The following LSAMP variants were observed in gnomAD, a reference collection of about 807,000 sequenced individuals.
LSAMP encodes the protein limbic system associated membrane protein.
In LSAMP, 7 loss-of-function variants were observed where a neutral mutation model predicts 38.6. The observed-to-expected ratio is 0.18, with a 90% CI of 0.10 to 0.34. LSAMP has a LOEUF of 0.34. Ranked by LOEUF, LSAMP falls within the 10% of genes least tolerant of loss-of-function variation. LSAMP has a pLI of 1.00. For synonymous variants in LSAMP, 154 were observed against 166.8 expected (o/e 0.92, Z 0.59); for missense variants, 313 against 420.0 (o/e 0.75, Z 2.23).
intron 6 of LSAMP, among the ~76,000 whole-genome samples, chr3:115,829,840 A>T (rs549466812): frequency 6.6e-6 from 1 of 152,220 alleles, no homozygotes; most frequent in Non-Finnish European, 1.5e-5. Flanking sequence ...AATCCATAAT[A>T]CATCAAAATA....
In LSAMP at chr3:116,339,467, GT is replaced by G. The variant is rs758061877; in HGVS notation, c.155+105409del. 1.9e-3 allele frequency among the ~76,000 whole-genome samples: 285 copies of G among 146,376 alleles called. 3 individuals are homozygous for G. The highest frequency in any genetic ancestry group is 0.012 in the Admixed American group (182 of 14,602). ...AATGACCGTCACAGCCACTAATGAA[GT>G]TTTTTTTTTTATTATTATGATACTG... On this transcript the variant is annotated intron_variant, in intron 1 of 6. Coordinates refer to ENST00000490035, the MANE Select transcript of LSAMP (RefSeq NM_002338.5).
At chr3:116,000,015 T>C (rs1939944263) in intron 3 of LSAMP, among the ~76,000 whole-genome samples, 1 of 152,108 alleles carries the variant, frequency 6.6e-6, no homozygotes, top group African/African-American at 2.4e-5. Flanking sequence ...TGTGTGTGCA[T>C]GTATCTGTGC....
At chr3:116,147,997 G>C (rs17642119) in intron 1 of LSAMP, among the ~76,000 whole-genome samples, 10,156 of 149,668 alleles carry the variant, frequency 0.068, 399 homozygotes, top group Middle Eastern at 0.16. Flanking sequence ...ATTATTCCCA[G>C]AGTTGACCTA....
chr3:115,865,196 A>G (rs918182814), intron 3 of LSAMP, among the ~76,000 whole-genome samples: 3 of 152,198 alleles, frequency 2.0e-5, no homozygotes, highest in African/African-American at 7.2e-5. Flanking sequence ...CAAGAATCAC[A>G]TATTTAGAAA....
At chr3:116,212,884 A>G (rs2046176522) in intron 1 of LSAMP, among the ~76,000 whole-genome samples, 1 of 152,196 alleles carries the variant, frequency 6.6e-6, no homozygotes, top group Non-Finnish European at 1.5e-5. Context: ...TTGTCTCTGT[A>G]AGTACAAAGT....
At chr3:116,225,278 AAG>A (rs1464002558) in intron 1 of LSAMP, among the ~76,000 whole-genome samples, 17 of 152,276 alleles carry the variant, frequency 1.1e-4, no homozygotes, top group African/African-American at 4.1e-4. Context: ...AGAAGACACA[AAG>A]AGACATAGCA....
intron 3 of LSAMP, among the ~76,000 whole-genome samples, chr3:115,952,379 C>A (rs1938320055): frequency 6.6e-6 from 1 of 152,132 alleles, no homozygotes. Flanking sequence ...TGGAATACAA[C>A]TCAGCCATAA....
intron 1 of LSAMP, among the ~76,000 whole-genome samples, chr3:116,354,327 C>T (rs1576155548): frequency 6.6e-6 from 1 of 152,124 alleles, no homozygotes; most frequent in Non-Finnish European, 1.5e-5. Flanking sequence ...TGCTACCTGC[C>T]TCTTCATGTG....
intron 1 of LSAMP, among the ~76,000 whole-genome samples, chr3:116,280,504 T>C (rs1277549069): frequency 6.6e-6 from 1 of 152,248 alleles, no homozygotes; most frequent in African/African-American, 2.4e-5. Flanking sequence ...CGGGTCAGGA[T>C]TCAATCAACT....
intron 3 of LSAMP, among the ~76,000 whole-genome samples, chr3:115,937,763 G>A (rs1042861602): frequency 4.0e-5 from 6 of 148,966 alleles, no homozygotes; most frequent in African/African-American, 1.5e-4. Flanking sequence ...AGGGAAGCCC[G>A]CAGCATGCTA....
intron 2 of LSAMP, among the ~76,000 whole-genome samples, chr3:116,055,137 C>T (rs1941466876): frequency 6.6e-6 from 1 of 152,086 alleles, no homozygotes; most frequent in Non-Finnish European, 1.5e-5. Flanking sequence ...GTGTGTTACT[C>T]AGAGATTTAA....
At chr3:115,962,745 A>C (rs1311384779) in intron 3 of LSAMP, among the ~76,000 whole-genome samples, 1 of 152,248 alleles carries the variant, frequency 6.6e-6, no homozygotes, top group Non-Finnish European at 1.5e-5. Flanking sequence ...TGATTTAATT[A>C]GATCCACAGG....
intron 1 of LSAMP, among the ~76,000 whole-genome samples, chr3:116,406,243 A>T (rs939426598): frequency 1.3e-5 from 2 of 152,108 alleles, no homozygotes; most frequent in African/African-American, 4.8e-5. Flanking sequence ...CACAACCACC[A>T]ATGCTGAATA....
intron 3 of LSAMP, among the ~76,000 whole-genome samples, chr3:115,858,167 C>CACACACACACACACGCAA (rs1332402730): frequency 6.2e-4 from 93 of 149,128 alleles, no homozygotes; most frequent in Middle Eastern, 3.4e-3. Flanking sequence ...CTCTCTCTCA[C>CACACACACACACACGCAA]ACACACACAC....
intron 1 of LSAMP, among the ~76,000 whole-genome samples, chr3:116,306,771 C>G (rs2047490337): frequency 6.6e-6 from 1 of 151,978 alleles, no homozygotes. Context: ...AAAGCAGGAA[C>G]ATTTTGAGTG....
intron 3 of LSAMP, among the ~76,000 whole-genome samples, chr3:116,019,159 G>GT (rs1940566016): frequency 3.1e-5 from 1 of 32,376 alleles, no homozygotes; most frequent in African/African-American, 2.1e-4. Flanking sequence ...ATTGTGGGTG[G>GT]GGGGGGGGGG....
chr3:115,824,091 G>T (rs929425056), intron 6 of LSAMP, among the ~76,000 whole-genome samples: 1 of 152,182 alleles, frequency 6.6e-6, no homozygotes, highest in East Asian at 1.9e-4. Context: ...TTTAGCCTGA[G>T]AGGTTTAGTT....
intron 3 of LSAMP, among the ~76,000 whole-genome samples, chr3:115,919,038 G>A (rs1201543235): frequency 6.6e-6 from 1 of 152,142 alleles, no homozygotes; most frequent in African/African-American, 2.4e-5. Context: ...GACTAAGAGA[G>A]ATGAAATTTC....
chr3:116,037,800 T>A (rs981318977), intron 2 of LSAMP, among the ~76,000 whole-genome samples: 4 of 151,994 alleles, frequency 2.6e-5, no homozygotes, highest in African/African-American at 7.2e-5. Flanking sequence ...TATAATCATA[T>A]ATATAATCAT....
Sources: gnomAD v4.1 joint callset for allele counts (sites outside exome capture counted in the v4.1 genomes callset) on GRCh38, gnomAD v4.1.1 for gene constraint, MANE v1.5 for transcripts, NCBI Gene and HGNC (gene_info 2026-07-23, HGNC 2026-07-21) for gene names.